The following NFIA variants were observed in gnomAD, a reference collection of about 807,000 sequenced individuals.
NFIA encodes nuclear factor 1 A-type.
NFIA carries 8 observed loss-of-function variants against 62.8 expected under a neutral mutation model. The observed-to-expected ratio is 0.13, with a 90% confidence interval of 0.07 to 0.23. The LOEUF is 0.23. Ranked by LOEUF, NFIA falls within the 10% of genes least tolerant of loss-of-function variation. NFIA has a pLI of 1.00. For synonymous variants in NFIA, 235 were observed against 238.1 expected, an observed-to-expected ratio of 0.99 and a Z score of 0.12; for missense variants, 410 against 642.1, an observed-to-expected ratio of 0.64 and a Z score of 3.91.
At chr1:61,138,858 G>A (rs12064543) in intron 2 of NFIA, among the ~76,000 whole-genome samples, 142,678 of 151,790 alleles carry the variant, frequency 0.94, 67,162 homozygotes, top group Middle Eastern at 0.97. Context: ...CTACTATTAC[G>A]GGTGTGAGCC....
chr1:61,437,941 A>G (rs1177512288), intron 10 of NFIA, among the ~76,000 whole-genome samples: 1 of 152,198 alleles, frequency 6.6e-6, no homozygotes, highest in Non-Finnish European at 1.5e-5. Context: ...TTCCAAGGGT[A>G]GTAAAGCACT....
At chr1:61,447,277 C>T (rs1667853319) in intron 10 of NFIA, among the ~76,000 whole-genome samples, 1 of 152,186 alleles carries the variant, frequency 6.6e-6, no homozygotes, top group Non-Finnish European at 1.5e-5. Context: ...GACCAGGAGC[C>T]AGCTTTTTTA....
intron 9 of NFIA, among the ~76,000 whole-genome samples, chr1:61,409,532 G>A (rs745612451): frequency 1.1e-4 from 17 of 152,112 alleles, no homozygotes; most frequent in South Asian, 2.1e-4. Flanking sequence ...TTAAAATATC[G>A]TCTCCCATGC....
chr1:61,329,214 AT>A (rs1661148453), intron 3 of NFIA, among the ~76,000 whole-genome samples: 1 of 124,846 alleles, frequency 8.0e-6, no homozygotes, highest in Non-Finnish European at 1.7e-5. Context: ...TGCCTAGCTA[AT>A]TTTTTTTATT....
intron 6 of NFIA, among the ~76,000 whole-genome samples, chr1:61,382,913 TCA>T (rs1176013186): frequency 6.6e-6 from 1 of 152,082 alleles, no homozygotes; most frequent in Admixed American, 6.6e-5. Flanking sequence ...TTTTTGGGAG[TCA>T]CAGAGGTCAC....
At chr1:61,294,167 TC>T (rs1293741945) in intron 3 of NFIA, among the ~76,000 whole-genome samples, 1 of 152,204 alleles carries the variant, frequency 6.6e-6, no homozygotes, top group Non-Finnish European at 1.5e-5. Flanking sequence ...ACTTGACTCT[TC>T]TCATCTCCAA....
At chr1:61,164,697 T>C (rs2100541210) in intron 2 of NFIA, among the ~76,000 whole-genome samples, 1 of 152,210 alleles carries the variant, frequency 6.6e-6, no homozygotes, top group Non-Finnish European at 1.5e-5. Flanking sequence ...CCTGACCTCA[T>C]GATCTGCCCA....
chr1:61,301,963 T>C (rs2100331276), intron 3 of NFIA, among the ~76,000 whole-genome samples: 1 of 152,348 alleles, frequency 6.6e-6, no homozygotes, highest in South Asian at 2.1e-4. Flanking sequence ...CCTTTGAGTC[T>C]CATCCATAGC....
chr1:61,100,870 C>G (rs146156953), intron 2 of NFIA, among the ~76,000 whole-genome samples: 1,770 of 152,068 alleles, frequency 0.012, 20 homozygotes, highest in Middle Eastern at 0.065. Flanking sequence ...TTCTGAGATT[C>G]TAAGTATGAG....
intron 3 of NFIA, among the ~76,000 whole-genome samples, chr1:61,279,483 G>T (rs1020428496): frequency 6.6e-6 from 1 of 151,420 alleles, no homozygotes; most frequent in Non-Finnish European, 1.5e-5. Context: ...ACATTTTAAA[G>T]AGTGGTATTT....
intron 2 of NFIA, among the ~76,000 whole-genome samples, chr1:61,131,205 C>T (rs1176396022): frequency 1.3e-5 from 2 of 150,700 alleles, no homozygotes; most frequent in Admixed American, 6.6e-5. Flanking sequence ...ACACCTCACC[C>T]TCTTCTTCAC....
At chr1:61,095,735 T>C (rs937857004) in intron 2 of NFIA, among the ~76,000 whole-genome samples, 3 of 152,196 alleles carry the variant, frequency 2.0e-5, no homozygotes, top group Non-Finnish European at 4.4e-5. Context: ...AATAGAAGCA[T>C]TATGACACAG....
chr1:61,222,570 AG>A (rs371975090), intron 2 of NFIA, among the ~76,000 whole-genome samples: 7 of 152,234 alleles, frequency 4.6e-5, no homozygotes, highest in African/African-American at 1.7e-4. Context: ...TGAGAGGTAT[AG>A]TTTCAAACTT....
intron 5 of NFIA, among the ~76,000 whole-genome samples, chr1:61,356,814 G>A (rs1023768995): frequency 2.0e-5 from 3 of 152,160 alleles, no homozygotes; most frequent in East Asian, 3.8e-4. Context: ...AGAACTTAAT[G>A]GCTAAGAATA....
Position 61,192,043 on chromosome 1 carries a change from T to C in NFIA, c.560-85477T>C, listed in dbSNP as rs146946235. Reference sequence around the variant, plus strand: ...GGTGCAGTCTCAGCTCACTGCAACCTCCACCTCCCGGGTTCAGGCAGTTCT... The same window carrying C: ...GGTGCAGTCTCAGCTCACTGCAACCCCCACCTCCCGGGTTCAGGCAGTTCT... On this transcript the variant is annotated intron_variant, in intron 2 of 10. Transcript: ENST00000403491. Among the ~76,000 whole-genome samples, 1,171 of 149,116 alleles carry C rather than the reference T, an allele frequency of 7.9e-3. 10 individuals are homozygous for C. Among genetic ancestry groups the C allele is most frequent in the Middle Eastern group, 0.058 (17 of 294 alleles).
chr1:61,297,880 A>C (rs1157866058), intron 3 of NFIA, among the ~76,000 whole-genome samples: 1 of 152,184 alleles, frequency 6.6e-6, no homozygotes, highest in Non-Finnish European at 1.5e-5. Context: ...ATAGAGAAAG[A>C]GGTTCCAAAA....
chr1:61,259,866 G>A (rs332836), intron 2 of NFIA, among the ~76,000 whole-genome samples: 6 of 152,184 alleles, frequency 3.9e-5, no homozygotes, highest in African/African-American at 9.7e-5. Flanking sequence ...GGTTAATAAA[G>A]CCATTGTTGC....
At chr1:61,141,253 GA>G (rs1240941794) in intron 2 of NFIA, among the ~76,000 whole-genome samples, 1 of 152,074 alleles carries the variant, frequency 6.6e-6, no homozygotes, top group Non-Finnish European at 1.5e-5. Flanking sequence ...TGCTCAGCAT[GA>G]AAAAAACAAC....
intron 6 of NFIA, among the ~76,000 whole-genome samples, chr1:61,374,922 TA>T (rs1178314306): frequency 6.6e-6 from 1 of 152,222 alleles, no homozygotes; most frequent in Non-Finnish European, 1.5e-5. Context: ...GTGCTAATCA[TA>T]AAAAATTATA....
Sources: gnomAD v4.1 joint callset for allele counts (sites outside exome capture counted in the v4.1 genomes callset) on GRCh38, gnomAD v4.1.1 for gene constraint, MANE v1.5 for transcripts, NCBI Gene and HGNC (gene_info 2026-07-23, HGNC 2026-07-21) for gene names.